The following HS6ST3 variants were observed in gnomAD, a reference collection of about 807,000 sequenced individuals.
HS6ST3 encodes heparan sulfate 6-O-sulfotransferase 3.
HS6ST3 carries 12 observed loss-of-function variants against 36.7 expected under a neutral mutation model. That is an observed-to-expected ratio of 0.33 (90% CI 0.21 to 0.53). The LOEUF (loss-of-function observed/expected upper bound fraction) is 0.53, where lower values mean the gene tolerates loss of function less well. Ranked by LOEUF, HS6ST3 falls within the 20% of genes least tolerant of loss-of-function variation. The pLI is 0.95. For missense variants in HS6ST3, 584 were observed against 640.9 expected (o/e 0.91, Z 0.96); for synonymous variants, 240 against 257.5 (o/e 0.93, Z 0.65).
At chr13:96,614,857 G>C (rs927973660) in intron 1 of HS6ST3, among the ~76,000 whole-genome samples, 3 of 152,082 alleles carry the variant, frequency 2.0e-5, no homozygotes, top group Non-Finnish European at 1.5e-5. Context: ...ACAAATGCTG[G>C]TTAAATTTTT....
intron 1 of HS6ST3, among the ~76,000 whole-genome samples, chr13:96,318,846 TATTAG>T (rs1475729327): frequency 6.6e-6 from 1 of 152,208 alleles, no homozygotes; most frequent in Non-Finnish European, 1.5e-5. Context: ...GTTGGTCACC[TATTAG>T]GTCCAAGTTC....
chr13:96,571,492 CT>C (rs2056300799), intron 1 of HS6ST3, among the ~76,000 whole-genome samples: 3 of 152,200 alleles, frequency 2.0e-5, no homozygotes, highest in African/African-American at 7.2e-5. Flanking sequence ...GCATGTTTAT[CT>C]GTGTCAGGTT....
At position 96,091,093 on chromosome 13, in the gene HS6ST3, G is replaced by C. The variant is rs759226857; in HGVS notation, c.231G>C (p.Gly77=). Residue 77 remains glycine, a synonymous_variant, in exon 1 of 2, where the codon GGG becomes GGC. Transcript: ENST00000376705. ...CCCAGTTGCCCCCGCCGCCCCGGGG[G>C]CCCCCCGAGGGACCTCGGGGGGCCG... ...RRPQLPPPPR[G]PPEGPRGAAA... 13 of 1,304,890 alleles carry C rather than the reference G, an allele frequency of 1.0e-5. No homozygotes were observed. In the Admixed American group the frequency reaches 1.6e-4, roughly 16 times the overall value. 80.8% of individuals were successfully genotyped at this position (1,304,890 alleles called of 1,614,324 possible).
At chr13:96,525,832 G>A (rs1192920533) in intron 1 of HS6ST3, among the ~76,000 whole-genome samples, 1 of 152,196 alleles carries the variant, frequency 6.6e-6, no homozygotes, top group Non-Finnish European at 1.5e-5. Context: ...TGGGCATTGT[G>A]TTAGGCTCTG....
intron 1 of HS6ST3, among the ~76,000 whole-genome samples, chr13:96,117,501 A>G (rs2053899332): frequency 6.6e-6 from 1 of 152,210 alleles, no homozygotes; most frequent in African/African-American, 2.4e-5. Flanking sequence ...GAGGTGGAAA[A>G]CAAATATCAA....
intron 1 of HS6ST3, among the ~76,000 whole-genome samples, chr13:96,260,864 T>A (rs1222301852): frequency 6.6e-6 from 1 of 152,112 alleles, no homozygotes; most frequent in Admixed American, 6.6e-5. Flanking sequence ...GGTCGCGAAC[T>A]TCTGGCCTCA....
At chr13:96,722,713 A>G (rs1219511026) in intron 1 of HS6ST3, among the ~76,000 whole-genome samples, 2 of 152,188 alleles carry the variant, frequency 1.3e-5, no homozygotes, top group African/African-American at 4.8e-5. Context: ...GTGGTGGGTC[A>G]CACCTGTAAT....
chr13:96,327,096 T>C (rs1429623881), intron 1 of HS6ST3, among the ~76,000 whole-genome samples: 1 of 145,018 alleles, frequency 6.9e-6, no homozygotes, highest in African/African-American at 2.6e-5. Context: ...GTCAGATGAG[T>C]AGGTTGTGAA....
intron 1 of HS6ST3, among the ~76,000 whole-genome samples, chr13:96,444,219 C>T (rs907665009): frequency 6.6e-6 from 1 of 152,062 alleles, no homozygotes; most frequent in Admixed American, 6.6e-5. Context: ...AAAAGAAATT[C>T]TCAAATGTGG....
chr13:96,674,633 T>G (rs1191186227), intron 1 of HS6ST3, among the ~76,000 whole-genome samples: 3 of 152,232 alleles, frequency 2.0e-5, no homozygotes, highest in African/African-American at 7.2e-5. Flanking sequence ...TCGTTGTTGT[T>G]GAGTTCGCCT....
At chr13:96,753,331 T>A (rs1354131671) in intron 1 of HS6ST3, among the ~76,000 whole-genome samples, 1 of 152,208 alleles carries the variant, frequency 6.6e-6, no homozygotes, top group East Asian at 1.9e-4. Context: ...TTTAGGATAG[T>A]GAACCTTCCT....
chr13:96,101,911 A>G (rs1246333492), intron 1 of HS6ST3, among the ~76,000 whole-genome samples: 1 of 152,140 alleles, frequency 6.6e-6, no homozygotes. Flanking sequence ...AGAGTCATCA[A>G]TGGCCTGTAA....
In HS6ST3 at chr13:96,796,381, A is replaced by G. The variant is rs191665179; in HGVS notation, c.708-36109A>G. Reference sequence around the variant, plus strand: ...TTTGAATGATATGGCAAATAAAACAATAATTCAAAGGATCACTTCACTGAA... The same window carrying G: ...TTTGAATGATATGGCAAATAAAACAGTAATTCAAAGGATCACTTCACTGAA... On this transcript the variant is annotated intron_variant, in intron 1 of 1. Transcript: ENST00000376705. Among the ~76,000 whole-genome samples, 6 of 152,276 alleles carry G rather than the reference A, an allele frequency of 3.9e-5. No homozygotes were observed. The East Asian group carries it at 1.2e-3, about 29-fold the overall frequency.
intron 1 of HS6ST3, among the ~76,000 whole-genome samples, chr13:96,155,475 C>A (rs1323399563): frequency 6.6e-6 from 1 of 152,056 alleles, no homozygotes; most frequent in African/African-American, 2.4e-5. Flanking sequence ...AGATGTGGCA[C>A]TAGGGAAGGA....
chr13:96,513,919 A>T (rs981386661), intron 1 of HS6ST3, among the ~76,000 whole-genome samples: 1 of 151,924 alleles, frequency 6.6e-6, no homozygotes, highest in Admixed American at 6.6e-5. Flanking sequence ...AGGCCCTGAG[A>T]CAGGAATGTT....
intron 1 of HS6ST3, among the ~76,000 whole-genome samples, chr13:96,502,316 C>A (rs1418019730): frequency 6.7e-6 from 1 of 150,356 alleles, no homozygotes; most frequent in East Asian, 1.9e-4. Flanking sequence ...AAAGCACCAG[C>A]ATGTTGCTAC....
intron 1 of HS6ST3, among the ~76,000 whole-genome samples, chr13:96,237,662 A>G (rs2054540871): frequency 6.6e-6 from 1 of 152,034 alleles, no homozygotes; most frequent in Admixed American, 6.5e-5. Context: ...CTTTACCTCT[A>G]ATCTTGTTTT....
At chr13:96,711,904 G>C (rs183035474) in intron 1 of HS6ST3, among the ~76,000 whole-genome samples, 1 of 152,224 alleles carries the variant, frequency 6.6e-6, no homozygotes, top group Non-Finnish European at 1.5e-5. Flanking sequence ...ATTATTGCTG[G>C]TATGTTCTGC....
At chr13:96,582,017 C>T (rs1298400986) in intron 1 of HS6ST3, among the ~76,000 whole-genome samples, 1 of 152,184 alleles carries the variant, frequency 6.6e-6, no homozygotes, top group Non-Finnish European at 1.5e-5. Flanking sequence ...AGAACATTTT[C>T]TATTCAACTC....
Sources: allele counts gnomAD v4.1 joint callset (sites outside exome capture counted in the v4.1 genomes callset), GRCh38; gene constraint gnomAD v4.1.1; transcripts MANE v1.5; gene names NCBI Gene and HGNC (gene_info 2026-07-23, HGNC 2026-07-21).